GNAS: variants seen among roughly 807,000 people sequenced by gnomAD.
GNAS encodes GNAS complex locus.
GNAS carries 8 observed loss-of-function variants against 54.5 expected under a neutral mutation model. The observed-to-expected ratio is 0.15, with a 90% CI of 0.09 to 0.26. The LOEUF is 0.26. GNAS is among the 10% of genes least tolerant of loss of function. The pLI is 1.00. For synonymous variants in GNAS, 204 were observed against 191.4 expected (o/e 1.07, Z -0.54); for missense variants, 170 against 529.8 (o/e 0.32, Z 6.67).
intron 1 of GNAS, chr20:58,852,787 C>G: frequency 4.5e-6 from 1 of 223,846 alleles, no homozygotes; most frequent in Admixed American, 5.7e-5. Context: ...CTCACCAGCC[C>G]CCTTACCCAA....
At chr20:58,903,631 G>A in intron 4 of GNAS, 41 bp from the exon 5 acceptor site, 2 of 1,614,102 alleles carry the variant, frequency 1.2e-6, no homozygotes, top group Non-Finnish European at 8.5e-7. Context: ...CGCCCTCCCA[G>A]CCAGTGCTGT....
intron 1 of GNAS, chr20:58,855,790 T>C (rs1430381451): frequency 1.2e-5 from 7 of 606,784 alleles, no homozygotes; most frequent in African/African-American, 1.9e-5. Flanking sequence ...AGCTTGTCGT[T>C]GGTGTGTGTT....
chr20:58,870,731 C>T lies in GNAS; in HGVS notation c.44-24881C>T, dbSNP rs138920467. Among the ~76,000 whole-genome samples the T allele has an allele frequency of 2.4e-3, 361 of 152,262 alleles. 6 individuals are homozygous for T. Among genetic ancestry groups the T allele is most frequent in the Middle Eastern group, 0.017 (5 of 294 alleles). The stretch of plus-strand genomic sequence containing the variant: ...TGGTCAGTCTTCTCCCTGCGCCAGA[C>T]GCACAAATCCCTCCCTTAGAGGGAA... On this transcript the variant is annotated intron_variant, in intron 1 of 12. Transcript: ENST00000306090.
upstream of GNAS, chr20:58,840,598 C>A (rs772893248): frequency 5.6e-6 from 9 of 1,610,634 alleles, no homozygotes; most frequent in Admixed American, 1.7e-5. This position sits in a 1 kb window ranked among gnomAD's most constrained non-coding sequence, Gnocchi z 6.0. Context: ...AGCGTCTGCA[C>A]GCTCTCAAGT....
At chr20:58,849,679 C>T (rs1004600796) in intron 1 of GNAS, among the ~76,000 whole-genome samples, 5 of 152,184 alleles carry the variant, frequency 3.3e-5, no homozygotes, top group African/African-American at 1.2e-4. Context: ...CACACTTTGG[C>T]TCCTCCATCT....
Position 58,853,863 on chromosome 20 carries a change from G to A in GNAS, c.43+12977G>A, listed in dbSNP as rs368482746. 29 of 1,594,736 alleles carry A rather than the reference G, an allele frequency of 1.8e-5. No individual in the cohort carries two copies. The highest frequency in any genetic ancestry group is 4.6e-5 in the East Asian group (2 of 43,766). On this transcript the variant is annotated intron_variant, in intron 1 of 12. Coordinates refer to the GNAS transcript ENST00000306090. This position sits in a 1 kb window ranked among gnomAD's most constrained non-coding sequence, Gnocchi z 4.4. ...TGCAGGGGTCCCCGGAGCTCCTCCC[G>A]AGGAGCCCCAAGCCCTCAGGCCTGC...
In GNAS at chr20:58,846,613, T is replaced by C. The variant is rs2085948812; in HGVS notation, c.43+5727T>C. On this transcript the variant is annotated intron_variant, in intron 1 of 12. Transcript: ENST00000306090. The stretch of plus-strand genomic sequence containing the variant: ...AGGTTGGTCTTCAAGGTCCCCACTC[T>C]CAAACTTGAGGGGTCCAAGGGGCAC... Among the ~76,000 whole-genome samples, 3 of 152,314 alleles carry C rather than the reference T, an allele frequency of 2.0e-5. No homozygotes were observed. In the South Asian group the frequency reaches 6.2e-4, roughly 32 times the overall value.
rs1289765547 is a variant in GNAS, at chr20:58,884,152, A to C, written c.44-11460A>C. 9.2e-5 allele frequency among the ~76,000 whole-genome samples: 14 copies of C among 152,306 alleles called. No individual in the cohort carries two copies. The East Asian group carries it at 1.2e-3, about 13-fold the overall frequency. On this transcript the variant is annotated intron_variant, in intron 1 of 12. Transcript: ENST00000306090. ...CAAACTGAGGCTAGACCATAACGGC[A>C]GGGCTGTTTGAAAATGATCACCTAC...
intron 1 of GNAS, among the ~76,000 whole-genome samples, chr20:58,880,121 A>G (rs967278247): frequency 6.6e-6 from 1 of 152,170 alleles, no homozygotes; most frequent in Admixed American, 6.5e-5. Flanking sequence ...TCAGTGCAGT[A>G]AAAAGCCAGG....
chr20:58,904,308 T>C (rs1395004110), intron 5 of GNAS, among the ~76,000 whole-genome samples: 4 of 151,124 alleles, frequency 2.6e-5, no homozygotes, highest in African/African-American at 9.9e-5. Context: ...GACCTTTTTA[T>C]TAAGAGTTTT....
In GNAS at chr20:58,873,886, T is replaced by C. The variant is rs1464070157; in HGVS notation, c.44-21726T>C. ...GAATAAATAAGGAAAGATGGAAAGA[T>C]TGTCAACCAAAAGACTTCAACAACC... On this transcript the variant is annotated intron_variant, in intron 1 of 12. Transcript: ENST00000306090. The surrounding 1 kb of genome is among the most constrained non-coding windows in gnomAD (Gnocchi z 4.3). Among the ~76,000 whole-genome samples the C allele has an allele frequency of 6.6e-6, 1 of 152,168 alleles. No individual in the cohort carries two copies. The highest frequency in any genetic ancestry group is 1.9e-4 in the East Asian group (1 of 5,194).
At chr20:58,908,230 TA>T (rs2091212561) in intron 6 of GNAS, among the ~76,000 whole-genome samples, 1 of 152,192 alleles carries the variant, frequency 6.6e-6, no homozygotes, top group African/African-American at 2.4e-5. Context: ...CTCCAAAAAA[TA>T]ACTGGTTTTA....
chr20:58,843,859 T>A (rs1600668709), intron 1 of GNAS, among the ~76,000 whole-genome samples: 1 of 152,388 alleles, frequency 6.6e-6, no homozygotes, highest in African/African-American at 2.4e-5. Context: ...GGGGTCAACC[T>A]GATGTAGGTT....
intron 1 of GNAS, chr20:58,854,460 C>G: frequency 6.3e-7 from 1 of 1,581,106 alleles, no homozygotes; most frequent in Non-Finnish European, 8.6e-7. Context: ...CCCTGCAGCC[C>G]CAGCCGATCC....
intron 1 of GNAS, among the ~76,000 whole-genome samples, chr20:58,869,795 C>T (rs1316909863): frequency 2.6e-5 from 4 of 152,210 alleles, no homozygotes; most frequent in East Asian, 1.9e-4. Flanking sequence ...TTCTCACTAG[C>T]GAAGGTGTCC....
chr20:58,865,544 C>CT (rs149074204), intron 1 of GNAS, among the ~76,000 whole-genome samples: 35,481 of 143,960 alleles, frequency 0.25, 5,812 homozygotes, highest in African/African-American at 0.47. Flanking sequence ...ATATAAAATA[C>CT]TTTTTTTTTT....
intron 1 of GNAS, chr20:58,854,828 G>A (rs1347648666): frequency 6.3e-7 from 1 of 1,593,918 alleles, no homozygotes; most frequent in Non-Finnish European, 8.5e-7. Context: ...CTGCCTCCGG[G>A]GCCAGACGCA....
At chr20:58,840,405 G>T, upstream of GNAS, 1 of 1,613,534 alleles carries the variant, frequency 6.2e-7, no homozygotes, top group Non-Finnish European at 8.5e-7. The surrounding 1 kb of genome is among the most constrained non-coding windows in gnomAD (Gnocchi z 6.0). Flanking sequence ...CTCCCCGAGT[G>T]CCTAGAGTAC....
rs2085733265 is a variant in GNAS, at chr20:58,841,643, C to A, written c.43+757C>A. 2 of 1,101,368 alleles carry A rather than the reference C, an allele frequency of 1.8e-6. No homozygotes were observed. The allele number at this position is 1,101,368 out of a possible 1,614,324, so 68.2% of individuals were successfully genotyped here. ...GCGCGCCGGAGCTGACCTCTCCCGG[C>A]GGCGGGCGGTTAGGGGAAAGTACCT... is the stretch of plus-strand genomic sequence containing the variant. On this transcript the variant is annotated intron_variant, in intron 1 of 12. Coordinates refer to the GNAS transcript ENST00000306090. The surrounding 1 kb of genome is among the most constrained non-coding windows in gnomAD (Gnocchi z 5.0).
Sources: gnomAD v4.1 joint callset for allele counts (sites outside exome capture counted in the v4.1 genomes callset) on GRCh38, gnomAD v4.1.1 for gene constraint, Gnocchi (gnomAD v3.1) non-coding constraint, MANE v1.5 for transcripts, NCBI Gene and HGNC (gene_info 2026-07-23, HGNC 2026-07-21) for gene names.